ZNF76: variants seen among roughly 807,000 people sequenced by gnomAD.
ZNF76 encodes the protein zinc finger protein 523.
ZNF76 carries 66 observed loss-of-function variants against 66.9 expected under a neutral mutation model. The ratio of observed to expected loss-of-function variants is 0.99; its 90% CI spans 0.81 to 1.21. The LOEUF (loss-of-function observed/expected upper bound fraction) is 1.21. Ranked by LOEUF, ZNF76 falls within the 50% of genes most tolerant of loss-of-function variation. ZNF76 has a pLI of 0.00. For synonymous variants in ZNF76, 275 were observed against 296.1 expected, an observed-to-expected ratio of 0.93 and a Z score of 0.73; for missense variants, 729 against 760.3, an observed-to-expected ratio of 0.96 and a Z score of 0.48.
At chr6:35,283,424 A>C (rs1234415952) in intron 2 of ZNF76, among the ~76,000 whole-genome samples, 1 of 152,218 alleles carries the variant, frequency 6.6e-6, no homozygotes, top group Non-Finnish European at 1.5e-5. Context: ...TAAAATTGTA[A>C]GAGACTTATC....
At position 35,291,660 on chromosome 6, in the gene ZNF76, A is replaced by G. The variant is rs1354204167; in HGVS notation, c.854A>G (p.Tyr285Cys). The G allele has an allele frequency of 1.2e-6, 2 of 1,613,724 alleles. No homozygotes were observed. Among genetic ancestry groups the G allele is most frequent in the South Asian group, 1.1e-5 (1 of 91,086 alleles). The change falls in exon 9 of 14, where the codon TAC (tyrosine) becomes TGC (cysteine). Residue 285 changes from tyrosine (Y) to cysteine (C), a missense_variant. Transcript: ENST00000373953. ...HVRTHTGERP[Y>C]TCPEPHCGRG... is the part of the protein sequence containing the mutation. ...CGCACCCACACAGGCGAGAGGCCCT[A>G]CACCTGCCCGGAGCCCCACTGTGGC...
intron 1 of ZNF76, among the ~76,000 whole-genome samples, chr6:35,263,094 G>C (rs962446229): frequency 1.3e-5 from 2 of 152,114 alleles, no homozygotes; most frequent in Non-Finnish European, 2.9e-5. Flanking sequence ...GCTGCTTTCA[G>C]CTCTGCTTCC....
chr6:35,290,171 C>T (rs1414525881), intron 5 of ZNF76, 95 bp from the exon 6 acceptor site: 1 of 1,535,670 alleles, frequency 6.5e-7, no homozygotes, highest in East Asian at 2.3e-5. Context: ...CAGGTTTAAC[C>T]CTGCCTGTTG....
chr6:35,273,308 G>T (rs1270385809), intron 1 of ZNF76, among the ~76,000 whole-genome samples: 1 of 151,056 alleles, frequency 6.6e-6, no homozygotes, highest in African/African-American at 2.4e-5. Context: ...GAGTAGCTGG[G>T]ATTGCAGGCG....
rs1789529540 is a variant in ZNF76, at chr6:35,286,145, G to A, written c.91G>A (p.Gly31Arg). 1 of 1,614,180 alleles carries A rather than the reference G, an allele frequency of 6.2e-7. No individual in the cohort carries two copies. The highest frequency in any genetic ancestry group is 8.5e-7 in the Non-Finnish European group (1 of 1,180,042). The change falls in exon 3 of 14, where the codon GGG becomes AGG. Residue 31 changes from glycine to arginine, a missense_variant. Coordinates refer to ENST00000373953, the MANE Select transcript of ZNF76 (RefSeq NM_003427.5). ...QAVKGEKLLE[G>R]QVIQLEDGTT... is the part of the protein sequence containing the mutation. Reference sequence around the variant, plus strand: ...CTTAACAGGAGAGAAGCTTCTTGAAGGGCAGGTGATCCAGCTCGAGGATGG... The same window carrying A: ...CTTAACAGGAGAGAAGCTTCTTGAAAGGCAGGTGATCCAGCTCGAGGATGG...
intron 7 of ZNF76, 150 bp downstream of exon 7, chr6:35,290,866 A>T: frequency 1.3e-6 from 1 of 755,808 alleles, no homozygotes; most frequent in Non-Finnish European, 2.2e-6. Context: ...TCTGGAGGAA[A>T]CCTTGTTACG....
rs762376862 is a variant in ZNF76, at chr6:35,293,839, G to A, written c.1418G>A (p.Ser473Asn). The A allele has an allele frequency of 5.0e-6, 8 of 1,614,018 alleles. No individual in the cohort carries two copies. The highest frequency in any genetic ancestry group is 3.3e-5 in the South Asian group (3 of 91,094). ...QHGSTTLTIP[S>N]PDADLATSGT... ...GGCAGCACCACCCTCACCATCCCCAGTCCTGATGCCGACCTGGCCACATCT... is the reference window on the plus strand; with the variant it reads ...GGCAGCACCACCCTCACCATCCCCAATCCTGATGCCGACCTGGCCACATCT... Residue 473 changes from serine (S) to asparagine (N), a missense_variant, in exon 12 of 14, where the codon AGT (serine) becomes AAT (asparagine). Coordinates refer to ENST00000373953, the MANE Select transcript of ZNF76 (RefSeq NM_003427.5).
chr6:35,266,797 C>A (rs376659679), intron 1 of ZNF76, among the ~76,000 whole-genome samples: 2 of 93,298 alleles, frequency 2.1e-5, no homozygotes, highest in South Asian at 4.1e-4. Context: ...TTGTCTATTT[C>A]TTTTTTTTTT....
intron 1 of ZNF76, among the ~76,000 whole-genome samples, chr6:35,262,510 A>G (rs1189710455): frequency 1.3e-5 from 2 of 152,148 alleles, no homozygotes; most frequent in Non-Finnish European, 2.9e-5. Flanking sequence ...CTCACCATAC[A>G]GTGTCTCCCA....
At position 35,292,342 on chromosome 6, in the gene ZNF76, C is replaced by T. The variant is rs534419173; in HGVS notation, c.932-212C>T. ...CTTGCCCTGTCCCCCGTTTCCTTTC[C>T]GCCTTGTCTCTGGATTCAGTGGTTC... On this transcript the variant is annotated intron_variant, in intron 9 of 13. Transcript: ENST00000373953. The surrounding 1 kb of genome is among the most constrained non-coding windows in gnomAD (Gnocchi z 4.7). The T allele has an allele frequency of 3.2e-4, 191 of 604,168 alleles. 3 individuals are homozygous for T. The South Asian group carries it at 3.5e-3, about 11-fold the overall frequency. The allele number at this position is 604,168 out of a possible 1,614,324, so 37.4% of individuals were successfully genotyped here. A position where few individuals can be genotyped will look rare whatever the true frequency, so the allele number is the denominator to read the frequency against.
rs76400146 is a variant in ZNF76, at chr6:35,269,621, G to A, written c.-97+9780G>A. 8.9e-3 allele frequency among the ~76,000 whole-genome samples: 1,355 copies of A among 152,318 alleles called. 8 individuals are homozygous for A. Among genetic ancestry groups the A allele is most frequent in the African/African-American group, 0.026 (1,070 of 41,564 alleles). ...GTTAAGATAAGAACCAAGGAACTGGGAGCTCTTTGAGGTTGTAGAACTGAC... is the reference window on the plus strand; with the variant it reads ...GTTAAGATAAGAACCAAGGAACTGGAAGCTCTTTGAGGTTGTAGAACTGAC... On this transcript the variant is annotated intron_variant, in intron 1 of 13. Transcript: ENST00000373953.
rs1374659123 is a variant in ZNF76, at chr6:35,292,326, T to A, written c.932-228T>A. On this transcript the variant is annotated intron_variant, in intron 9 of 13. Coordinates refer to ENST00000373953, the MANE Select transcript of ZNF76 (RefSeq NM_003427.5). The surrounding 1 kb of genome is among the most constrained non-coding windows in gnomAD (Gnocchi z 4.7). ...CTTCACTAGCCCCAGCCTTGCCCTG[T>A]CCCCCGTTTCCTTTCCGCCTTGTCT... 2.2e-5 allele frequency: 13 copies of A among 578,428 alleles called. No individual in the cohort carries two copies. In the Admixed American group the frequency reaches 3.8e-4, roughly 17 times the overall value. 35.8% of individuals were successfully genotyped at this position (578,428 alleles called of 1,614,324 possible). A position where few individuals can be genotyped will look rare whatever the true frequency, so the allele number is the denominator to read the frequency against.
At chr6:35,278,399 T>C (rs894315388) in intron 1 of ZNF76, among the ~76,000 whole-genome samples, 3 of 152,186 alleles carry the variant, frequency 2.0e-5, no homozygotes, top group African/African-American at 7.2e-5. Flanking sequence ...AACTCCTGGA[T>C]GGTCTATAAT....
rs56229190 is a variant in ZNF76 at position 35,268,783 on chromosome 6, A to G, written c.-97+8942A>G. Among the ~76,000 whole-genome samples the G allele has an allele frequency of 6.5e-3, 848 of 131,404 alleles. 7 individuals carry two copies. The highest frequency in any genetic ancestry group is 0.019 in the African/African-American group (666 of 34,386). The allele number at this position is 131,404 out of a possible 152,430, so 86.2% of individuals were successfully genotyped here. A position where few individuals can be genotyped will look rare whatever the true frequency, so the allele number is the denominator to read the frequency against. On this transcript the variant is annotated intron_variant, in intron 1 of 13. Coordinates refer to ENST00000373953, the MANE Select transcript of ZNF76 (RefSeq NM_003427.5). ...ACAAGACTTCATCTCAAAAAGAGAG[A>G]AAAAAAAAAAAAAAACCACCTGCAA...
In ZNF76 at chr6:35,267,091, A is replaced by G. The variant is rs1269770344; in HGVS notation, c.-97+7250A>G. ...TGGGATTACAGGCTTGAGCCACTGCATCCGGCCCCTTATCTGTTTCTTTGA... is the reference window on the plus strand; with the variant it reads ...TGGGATTACAGGCTTGAGCCACTGCGTCCGGCCCCTTATCTGTTTCTTTGA... On this transcript the variant is annotated intron_variant, in intron 1 of 13. Transcript: ENST00000373953. Among the ~76,000 whole-genome samples the G allele has an allele frequency of 3.3e-5, 5 of 150,646 alleles. No individual in the cohort carries two copies. In the East Asian group the frequency reaches 5.9e-4, roughly 18 times the overall value.
chr6:35,267,827 G>A (rs1430722966), intron 1 of ZNF76, among the ~76,000 whole-genome samples: 1 of 152,210 alleles, frequency 6.6e-6, no homozygotes, highest in Non-Finnish European at 1.5e-5. Context: ...ATCCCGATGA[G>A]GGAAAAGTCA....
rs1341142079 is a variant in ZNF76, at chr6:35,290,282, A to C, written c.449A>C (p.Gln150Pro). ...QYASKVLHDS[Q>P]IPRNGKGQQV... ...TTCCCCCAGGTTCTTCATGACAGCC[A>C]GATTCCCCGTAATGGAAAAGGGCAG... The change falls in exon 6 of 14, where the codon CAG (glutamine) becomes CCG (proline). Residue 150 changes from glutamine to proline, a missense_variant. Physicochemically the swap from Gln to Pro is moderately conservative, Grantham distance 76. Coordinates refer to ENST00000373953, the MANE Select transcript of ZNF76 (RefSeq NM_003427.5). 1.2e-6 allele frequency: 2 copies of C among 1,614,228 alleles called. No individual in the cohort carries two copies. The highest frequency in any genetic ancestry group is 2.2e-5 in the East Asian group (1 of 44,890).
chr6:35,260,906 C>T (rs1189851491), intron 1 of ZNF76, among the ~76,000 whole-genome samples: 1 of 152,214 alleles, frequency 6.6e-6, no homozygotes, highest in Non-Finnish European at 1.5e-5. Context: ...GAACCTTACT[C>T]CCTCATTCCC....
Position 35,286,372 on chromosome 6 carries a change from A to C in ZNF76, c.205A>C (p.Met69Leu). Reference protein sequence around the residue: ...GQPVQLEDGSMAYIHRTPREG... With the variant: ...GQPVQLEDGSLAYIHRTPREG... ...GCCTGTGCAGCTGGAAGATGGCAGCATGGCTTACATACACCGCACACCCAG... is the reference window on the plus strand; with the variant it reads ...GCCTGTGCAGCTGGAAGATGGCAGCCTGGCTTACATACACCGCACACCCAG... The change falls in exon 4 of 14, where the codon ATG becomes CTG. Residue 69 changes from methionine (M) to leucine (L), a missense_variant. Coordinates refer to ENST00000373953, the MANE Select transcript of ZNF76 (RefSeq NM_003427.5). The C allele has an allele frequency of 6.2e-7, 1 of 1,614,168 alleles. No individual in the cohort carries two copies. Among genetic ancestry groups the C allele is most frequent in the Non-Finnish European group, 8.5e-7 (1 of 1,180,036 alleles).
Sources: allele counts gnomAD v4.1 joint callset (sites outside exome capture counted in the v4.1 genomes callset), GRCh38; gene constraint gnomAD v4.1.1; non-coding constraint Gnocchi (gnomAD v3.1); transcripts MANE v1.5; gene names NCBI Gene and HGNC (gene_info 2026-07-23, HGNC 2026-07-21).